UBXN4: variants seen among roughly 807,000 people sequenced by gnomAD.
UBXN4 encodes the protein UBX domain-containing protein 4.
A neutral mutation model predicts 66.2 loss-of-function variants in UBXN4; 35 were observed. That is an observed-to-expected ratio of 0.53 (90% CI 0.40 to 0.70). UBXN4 has a LOEUF of 0.70. Ranked by LOEUF, UBXN4 falls within the 30% of genes least tolerant of loss-of-function variation. The pLI, the probability that UBXN4 is intolerant of heterozygous loss-of-function variation, is 0.00. For synonymous variants in UBXN4, 203 were observed against 204.5 expected, an observed-to-expected ratio of 0.99 and a Z score of 0.06; for missense variants, 533 against 599.8, an observed-to-expected ratio of 0.89 and a Z score of 1.16.
At chr2:135,770,450 C>A in intron 7 of UBXN4, 121 bp from the exon 8 acceptor site, 2 of 623,452 alleles carry the variant, frequency 3.2e-6, no homozygotes, top group Non-Finnish European at 5.2e-6. Context: ...CATTAATAAA[C>A]TCGTCTAGAC....
intron 11 of UBXN4, 64 bp downstream of exon 11, chr2:135,779,143 T>G: frequency 6.8e-7 from 1 of 1,472,614 alleles, no homozygotes; most frequent in Non-Finnish European, 9.0e-7. Context: ...ACTCTTCATT[T>G]CTTATAATTA....
At chr2:135,775,090 A>G (rs1170211369) in intron 9 of UBXN4, among the ~76,000 whole-genome samples, 6 of 152,236 alleles carry the variant, frequency 3.9e-5, no homozygotes, top group Non-Finnish European at 8.8e-5. Context: ...AGTCAGAACC[A>G]CAATGAGATA....
At chr2:135,774,051 A>G (rs2077398301) in intron 9 of UBXN4, among the ~76,000 whole-genome samples, 1 of 152,230 alleles carries the variant, frequency 6.6e-6, no homozygotes. Flanking sequence ...TGGAAATGCA[A>G]GAAACACAAT....
In UBXN4 at chr2:135,783,483, T is replaced by G. The variant is rs1254880288; in HGVS notation, c.*596T>G. 9.6e-6 allele frequency: 1 copy of G among 104,042 alleles called. No homozygotes were observed. The highest frequency in any genetic ancestry group is 2.1e-5 in the Non-Finnish European group (1 of 48,332). 6.4% of individuals were successfully genotyped at this position (104,042 alleles called of 1,614,324 possible). ...TGCACAGGGCTCTATTGAGGTCCTA[T>G]GTCTCTGATTTTTTTTTTTCCCCAG... On this transcript the variant is annotated 3_prime_UTR_variant, in exon 13 of 13. Transcript: ENST00000272638.
Position 135,783,448 on chromosome 2 carries a change from A to G in UBXN4, c.*561A>G, listed in dbSNP as rs2077462132. On this transcript the variant is annotated 3_prime_UTR_variant, in exon 13 of 13. Transcript: ENST00000272638. Reference sequence around the variant, plus strand: ...TTTGCTTTGAGTTTTGTTATCTAGCATCTTTTTGTTGCACAGGGCTCTATT... The same window carrying G: ...TTTGCTTTGAGTTTTGTTATCTAGCGTCTTTTTGTTGCACAGGGCTCTATT... 1 of 152,024 alleles carries G rather than the reference A, an allele frequency of 6.6e-6. No individual in the cohort carries two copies. Among genetic ancestry groups the G allele is most frequent in the Non-Finnish European group, 1.5e-5 (1 of 68,060 alleles). The allele number at this position is 152,024 out of a possible 1,614,324, so 9.4% of individuals were successfully genotyped here.
Position 135,741,906 on chromosome 2 carries a change from G to A in UBXN4, c.-24G>A, listed in dbSNP as rs760420570. The A allele has an allele frequency of 3.1e-6, 5 of 1,605,100 alleles. No individual in the cohort carries two copies. Among genetic ancestry groups the A allele is most frequent in the African/African-American group, 1.3e-5 (1 of 74,506 alleles). On this transcript the variant is annotated 5_prime_UTR_variant, in exon 1 of 13. Transcript: ENST00000272638. The stretch of plus-strand genomic sequence containing the variant: ...GGACTGCGGAGACTACACACCGAGC[G>A]AGCGCCTGGGCCCGAAGGGAGCGAT...
At chr2:135,760,824 T>C (rs1192891130) in intron 5 of UBXN4, among the ~76,000 whole-genome samples, 2 of 152,224 alleles carry the variant, frequency 1.3e-5, no homozygotes, top group African/African-American at 4.8e-5. Flanking sequence ...CCCATATTTG[T>C]AGTATTTGCT....
chr2:135,770,520 C>A (rs759800071), intron 7 of UBXN4, 51 bp from the exon 8 acceptor site: 1 of 1,235,888 alleles, frequency 8.1e-7, no homozygotes, highest in Non-Finnish European at 1.1e-6. Context: ...AAAATAATAT[C>A]TGGGGCAGAT....
chr2:135,742,605 G>T (rs949467516), intron 1 of UBXN4: 1 of 152,400 alleles, frequency 6.6e-6, no homozygotes, highest in African/African-American at 2.4e-5. Flanking sequence ...GTAGGAACGG[G>T]CCATTAGGCA....
At position 135,780,389 on chromosome 2, in the gene UBXN4, T is replaced by C. The variant is rs1266580423; in HGVS notation, c.1388+4T>C. On this transcript the variant is annotated splice_donor_region_variant and intron_variant, in intron 12 of 12. Transcript: ENST00000272638. ...CATCTAGCAAATCAGAAAAAAGGTATCTGTGTGTGTTTTCCCCATTTATAA... is the reference window on the plus strand; with the variant it reads ...CATCTAGCAAATCAGAAAAAAGGTACCTGTGTGTGTTTTCCCCATTTATAA... 3 of 1,612,862 alleles carry C rather than the reference T, an allele frequency of 1.9e-6. 1 individual carries two copies. In the South Asian group the frequency reaches 3.3e-5, roughly 18 times the overall value.
chr2:135,743,934 ACT>A (rs1461699498), intron 1 of UBXN4, among the ~76,000 whole-genome samples: 1 of 152,030 alleles, frequency 6.6e-6, no homozygotes, highest in Non-Finnish European at 1.5e-5. Context: ...GAATATAATG[ACT>A]CTTGAATGTT....
In UBXN4 at chr2:135,741,928, C is replaced by T. The variant is rs766091670; in HGVS notation, c.-2C>T. 6 of 1,611,688 alleles carry T rather than the reference C, an allele frequency of 3.7e-6. No homozygotes were observed. Among genetic ancestry groups the T allele is most frequent in the Admixed American group, 1.7e-5 (1 of 59,832 alleles). On this transcript the variant is annotated 5_prime_UTR_variant, in exon 1 of 13. Coordinates refer to ENST00000272638, the MANE Select transcript of UBXN4 (RefSeq NM_014607.4). Reference sequence around the variant, plus strand: ...AGCGAGCGCCTGGGCCCGAAGGGAGCGATGCTGTGGTTCCAGGGCGCCATT... The same window carrying T: ...AGCGAGCGCCTGGGCCCGAAGGGAGTGATGCTGTGGTTCCAGGGCGCCATT...
At chr2:135,756,913 A>G (rs1025037491) in intron 5 of UBXN4, among the ~76,000 whole-genome samples, 2 of 152,230 alleles carry the variant, frequency 1.3e-5, no homozygotes, top group African/African-American at 4.8e-5. Context: ...TCTAATGAGA[A>G]GTCTCCACAA....
At chr2:135,753,650 C>T in intron 3 of UBXN4, 83 bp downstream of exon 3, 1 of 1,174,474 alleles carries the variant, frequency 8.5e-7, no homozygotes, top group East Asian at 3.0e-5. Flanking sequence ...AGAAATTATT[C>T]ATTTTTATTT....
intron 10 of UBXN4, among the ~76,000 whole-genome samples, chr2:135,778,213 A>T (rs2077430036): frequency 6.6e-6 from 1 of 151,686 alleles, no homozygotes; most frequent in Non-Finnish European, 1.5e-5. Flanking sequence ...AAAAACAAAA[A>T]TTCCACCTCA....
At position 135,750,948 on chromosome 2, in the gene UBXN4, C is replaced by T. The variant is rs557928545; in HGVS notation, c.185+2579C>T. On this transcript the variant is annotated intron_variant, in intron 2 of 12. Transcript: ENST00000272638. ...TCGGCTCACTGCAAGCTCCGCCTCC[C>T]GGGTTCACGCCATTCTCCTGCCTCA... 1.2e-4 allele frequency among the ~76,000 whole-genome samples: 17 copies of T among 138,298 alleles called. No individual in the cohort carries two copies. The South Asian group carries it at 2.4e-3, about 19-fold the overall frequency. The allele number at this position is 138,298 out of a possible 152,430, so 90.7% of individuals were successfully genotyped here.
chr2:135,743,466 A>G (rs891368689), intron 1 of UBXN4, among the ~76,000 whole-genome samples: 5 of 152,206 alleles, frequency 3.3e-5, no homozygotes, highest in Admixed American at 2.6e-4. Context: ...CTTGCAGTAA[A>G]TAGAACAGGT....
At chr2:135,747,283 G>GATTGCA (rs984225935) in intron 1 of UBXN4, among the ~76,000 whole-genome samples, 1 of 141,394 alleles carries the variant, frequency 7.1e-6, no homozygotes, top group African/African-American at 2.6e-5. Flanking sequence ...GGGAGGCAGA[G>GATTGCA]ATTGCAATGA....
chr2:135,753,456 G>T (rs1450640216), intron 2 of UBXN4, 83 bp from the exon 3 acceptor site: 7 of 1,239,176 alleles, frequency 5.6e-6, no homozygotes, highest in Non-Finnish European at 6.5e-6. Context: ...CTTGTGATTG[G>T]TACAGTAAAT....
Sources: allele counts gnomAD v4.1 joint callset (sites outside exome capture counted in the v4.1 genomes callset), GRCh38; gene constraint gnomAD v4.1.1; transcripts MANE v1.5; gene names NCBI Gene and HGNC (gene_info 2026-07-23, HGNC 2026-07-21).